MYH11: variants seen among roughly 807,000 people sequenced by gnomAD.
The protein encoded by MYH11 is myosin heavy chain 11.
In MYH11, 80 loss-of-function variants were observed where a neutral mutation model predicts 246.6. That is an observed-to-expected ratio of 0.32 (90% CI 0.27 to 0.39). The LOEUF (loss-of-function observed/expected upper bound fraction) is 0.39. Among genes scored for constraint, MYH11 ranks in the 10% least tolerant of loss-of-function variants. MYH11 has a pLI of 1.00. For synonymous variants in MYH11, 1,071 were observed against 1,015.5 expected (o/e 1.05, Z -1.04); for missense variants, 2,158 against 2,546.8 (o/e 0.85, Z 3.29).
At chr16:15,725,846 C>T (rs2040726741) in intron 28 of MYH11, 4 of 396,062 alleles carry the variant, frequency 1.0e-5, no homozygotes, top group Non-Finnish European at 1.8e-5. Flanking sequence ...CTTAAAACCC[C>T]TCAACAGCTT....
intron 23 of MYH11, 57 bp from the exon 24 acceptor site, chr16:15,738,745 T>C (rs1470708514): frequency 1.3e-6 from 2 of 1,588,482 alleles, no homozygotes; most frequent in East Asian, 2.2e-5. Context: ...CTAGAATCTA[T>C]GTTTCACTTT....
intron 5 of MYH11, chr16:15,784,548 G>T: frequency 1.3e-6 from 1 of 781,076 alleles, no homozygotes; most frequent in South Asian, 1.8e-5. Flanking sequence ...ATGGTATTTT[G>T]GTGCATTTAC....
intron 1 of MYH11, among the ~76,000 whole-genome samples, chr16:15,847,788 C>T (rs186584193): frequency 2.4e-4 from 36 of 152,244 alleles, no homozygotes; most frequent in African/African-American, 8.4e-4. Flanking sequence ...CTGACAGTTA[C>T]GACGTGCAAA....
intron 3 of MYH11, among the ~76,000 whole-genome samples, chr16:15,803,670 A>T (rs914416973): frequency 3.3e-5 from 5 of 152,208 alleles, no homozygotes; most frequent in Non-Finnish European, 5.9e-5. Context: ...AAAGATTTTG[A>T]GATGGACAGA....
intron 1 of MYH11, among the ~76,000 whole-genome samples, chr16:15,840,310 A>G (rs8045271): frequency 0.23 from 35,138 of 152,120 alleles, 5,407 homozygotes; most frequent in African/African-American, 0.43. Flanking sequence ...AATGTTCCCA[A>G]CACAAAGAGA....
intron 2 of MYH11, among the ~76,000 whole-genome samples, chr16:15,824,208 A>C: frequency 6.6e-6 from 1 of 152,216 alleles, no homozygotes; most frequent in Non-Finnish European, 1.5e-5. Flanking sequence ...ATATGTGTGC[A>C]GAATTAAAGA....
At chr16:15,714,635 C>T (rs951131781) in intron 40 of MYH11, 6 of 570,790 alleles carry the variant, frequency 1.1e-5, no homozygotes, top group Admixed American at 9.1e-5. Context: ...GTGGGGATAG[C>T]CTCTTCCTCC....
chr16:15,718,980 T>C (rs1567691031), intron 36 of MYH11: 2 of 525,228 alleles, frequency 3.8e-6, no homozygotes, highest in Admixed American at 3.1e-5. Context: ...ATATAAAAAT[T>C]AGCCAGGCAT....
chr16:15,831,046 C>T (rs1183942168), intron 2 of MYH11, among the ~76,000 whole-genome samples: 1 of 152,102 alleles, frequency 6.6e-6, no homozygotes, highest in Non-Finnish European at 1.5e-5. Context: ...GTAGTACACG[C>T]CTGTAGTCTC....
At chr16:15,800,081 T>G (rs1258339740) in intron 3 of MYH11, among the ~76,000 whole-genome samples, 1 of 145,344 alleles carries the variant, frequency 6.9e-6, no homozygotes, top group Admixed American at 6.9e-5. Context: ...AGCAGATGAG[T>G]AGGTGAGTAG....
Position 15,726,915 on chromosome 16 carries a change from A to C in MYH11, c.3791T>G (p.Leu1264Arg). 1 of 1,612,868 alleles carries C rather than the reference A, an allele frequency of 6.2e-7. No homozygotes were observed. Among genetic ancestry groups the C allele is most frequent in the Non-Finnish European group, 8.5e-7 (1 of 1,179,988 alleles). The change falls in exon 28 of 41, where the codon CTG becomes CGG. Residue 1264 changes from leucine to arginine, a missense_variant. This residue lies in a region of MYH11 where 1,013 missense variants were observed against 993.5 expected (regional missense o/e 1.02). Coordinates refer to ENST00000300036, the MANE Select transcript of MYH11 (RefSeq NM_002474.3). ...KKKLEAQVQELQSKCSDGERA... is the reference protein window; with the variant it reads ...KKKLEAQVQERQSKCSDGERA... ...CTCCCCATCGCTGCACTTGGACTGCAGCTCCTGCACCTGCGCCTCCAGCTT... is the reference window on the plus strand; with the variant it reads ...CTCCCCATCGCTGCACTTGGACTGCCGCTCCTGCACCTGCGCCTCCAGCTT...
chr16:15,852,529 A>C (rs966234617), intron 1 of MYH11, among the ~76,000 whole-genome samples: 1 of 151,760 alleles, frequency 6.6e-6, no homozygotes, highest in African/African-American at 2.4e-5. Context: ...GATAGGGTTT[A>C]GCAGAGACCA....
At chr16:15,761,242 C>T (rs567477447) in intron 10 of MYH11, among the ~76,000 whole-genome samples, 3 of 152,152 alleles carry the variant, frequency 2.0e-5, no homozygotes, top group African/African-American at 4.8e-5. Context: ...TCCCGAGTAG[C>T]TGGCATTATA....
intron 4 of MYH11, among the ~76,000 whole-genome samples, chr16:15,796,936 G>T (rs954973844): frequency 6.6e-6 from 1 of 152,170 alleles, no homozygotes; most frequent in Middle Eastern, 3.2e-3. Context: ...ACTATTCATT[G>T]TCAAACATCA....
chr16:15,828,153 G>A (rs1393465398), intron 2 of MYH11, among the ~76,000 whole-genome samples: 3 of 152,308 alleles, frequency 2.0e-5, no homozygotes, highest in East Asian at 3.9e-4. Flanking sequence ...CCCTGGGCAA[G>A]TCCCTTAACC....
At chr16:15,777,288 A>C (rs1164758765) in intron 7 of MYH11, among the ~76,000 whole-genome samples, 2 of 151,970 alleles carry the variant, frequency 1.3e-5, no homozygotes, top group African/African-American at 4.8e-5. Flanking sequence ...CGCCTGGATA[A>C]TTTTTGTATT....
chr16:15,799,216 C>G (rs752139128), intron 3 of MYH11, among the ~76,000 whole-genome samples: 1 of 152,130 alleles, frequency 6.6e-6, no homozygotes, highest in Non-Finnish European at 1.5e-5. Context: ...TCACCCCTAC[C>G]GTCATGTACA....
chr16:15,790,009 TACA>T (rs1264728262), intron 4 of MYH11, among the ~76,000 whole-genome samples: 1 of 152,124 alleles, frequency 6.6e-6, no homozygotes, highest in Non-Finnish European at 1.5e-5. Flanking sequence ...TCCTCCCTTT[TACA>T]ACAAAGACAT....
intron 40 of MYH11, chr16:15,712,895 T>TTTTTTTTTTTTTTTTTTTG: frequency 6.7e-6 from 1 of 148,744 alleles, no homozygotes; most frequent in African/African-American, 2.5e-5. Flanking sequence ...TTTTTTTTTT[T>TTTTTTTTTTTTTTTTTTTG]GAGACCGAGT....
Sources: gnomAD v4.1 joint callset for allele counts (sites outside exome capture counted in the v4.1 genomes callset) on GRCh38, gnomAD v4.1.1 for gene constraint, gnomAD v4.1.1 regional missense constraint, MANE v1.5 for transcripts, NCBI Gene and HGNC (gene_info 2026-07-23, HGNC 2026-07-21) for gene names.